MMP26: variants seen among roughly 807,000 people sequenced by gnomAD.
MMP26 encodes matrix metalloproteinase-26.
A neutral mutation model predicts 31.0 loss-of-function variants in MMP26; 33 were observed. The observed-to-expected ratio is 1.06, with a 90% CI of 0.81 to 1.42. The LOEUF (loss-of-function observed/expected upper bound fraction) is 1.42. MMP26 is among the 40% of genes most tolerant of loss of function. MMP26 has a pLI of 0.00. For synonymous variants in MMP26, 122 were observed against 114.9 expected, an observed-to-expected ratio of 1.06 and a Z score of -0.40; for missense variants, 347 against 316.1, an observed-to-expected ratio of 1.10 and a Z score of -0.74.
rs1359189979 is a variant in MMP26 at position 4,734,252 on chromosome 11, G to A, written c.-217+29207G>A. 2.0e-5 allele frequency among the ~76,000 whole-genome samples: 3 copies of A among 152,108 alleles called. No individual in the cohort carries two copies. In the East Asian group the frequency reaches 5.8e-4, roughly 29 times the overall value. On this transcript the variant is annotated intron_variant, in intron 1 of 7. Coordinates refer to ENST00000380390, the MANE Select transcript of MMP26 (RefSeq NM_021801.5). The stretch of plus-strand genomic sequence containing the variant: ...AATTGATATTAATTTTTCTTTAAGT[G>A]TTTAGTGAAATTTGCCACTGAATCA...
chr11:4,924,214 C>T (rs762848920), intron 2 of MMP26: 1 of 1,614,114 alleles, frequency 6.2e-7, no homozygotes, highest in Non-Finnish European at 8.5e-7. Flanking sequence ...TGAGGTTCCC[C>T]AAGATAACTG....
chr11:4,796,731 A>G (rs1325897369), intron 2 of MMP26, among the ~76,000 whole-genome samples: 1 of 152,138 alleles, frequency 6.6e-6, no homozygotes, highest in Admixed American at 6.6e-5. Context: ...CACACTGAGT[A>G]AAGGCCTGAG....
rs71050433 is a variant in MMP26, at chr11:4,819,566, A to ATTTTTTTTTTTTTTTTTTTT, written c.-145+52236_-145+52255dup. 2.0e-4 allele frequency among the ~76,000 whole-genome samples: 10 copies of ATTTTTTTTTTTTTTTTTTTT among 50,302 alleles called. 2 individuals carry two copies. The highest frequency in any genetic ancestry group is 5.3e-4 in the African/African-American group (6 of 11,400). The allele number at this position is 50,302 out of a possible 152,430, so 33.0% of individuals were successfully genotyped here. ...GATGGTCACTGAAATGAGTCGACTG[A>ATTTTTTTTTTTTTTTTTTTT]TTTTTTTTTTTTTTTTTTTTTTTTT... On this transcript the variant is annotated intron_variant, in intron 2 of 7. Transcript: ENST00000380390.
chr11:4,740,759 A>G (rs1182095866), intron 1 of MMP26, among the ~76,000 whole-genome samples: 5 of 152,008 alleles, frequency 3.3e-5, no homozygotes, highest in Non-Finnish European at 7.4e-5. Flanking sequence ...GAATTTAAAT[A>G]TCTTAATTCA....
At chr11:4,936,122 C>A (rs1343844213) in intron 2 of MMP26, among the ~76,000 whole-genome samples, 1 of 148,296 alleles carries the variant, frequency 6.7e-6, no homozygotes, top group African/African-American at 2.5e-5. Flanking sequence ...CCTTCTTTTT[C>A]TATTGATTGG....
intron 1 of MMP26, chr11:4,724,029 AC>A: frequency 1.5e-6 from 1 of 678,102 alleles, no homozygotes; most frequent in Non-Finnish European, 2.7e-6. Flanking sequence ...CACCCAGGCT[AC>A]CCCGGAAGCT....
chr11:4,741,923 G>A (rs954606350), intron 1 of MMP26, among the ~76,000 whole-genome samples: 2 of 152,136 alleles, frequency 1.3e-5, no homozygotes, highest in Admixed American at 1.3e-4. Flanking sequence ...CAAACATATG[G>A]CTATGTTCAA....
intron 2 of MMP26, among the ~76,000 whole-genome samples, chr11:4,813,320 A>G (rs900714320): frequency 2.6e-5 from 4 of 152,224 alleles, no homozygotes; most frequent in African/African-American, 9.6e-5. Context: ...TGAAAAATTG[A>G]TAAAGAAACC....
At chr11:4,981,277 G>A (rs1042061685) in intron 2 of MMP26, among the ~76,000 whole-genome samples, 9 of 152,022 alleles carry the variant, frequency 5.9e-5, no homozygotes, top group African/African-American at 2.2e-4. Flanking sequence ...CTTAATGATA[G>A]AGATACTCAT....
intron 1 of MMP26, among the ~76,000 whole-genome samples, chr11:4,726,555 G>A (rs1848103221): frequency 6.6e-6 from 1 of 152,146 alleles, no homozygotes; most frequent in Non-Finnish European, 1.5e-5. Flanking sequence ...ATGAGTGTGT[G>A]AAAGAGAAGC....
rs779589800 is a variant in MMP26, at chr11:4,991,949, T to G, written c.596-15T>G. The G allele has an allele frequency of 6.4e-7, 1 of 1,569,218 alleles. No homozygotes were observed. The highest frequency in any genetic ancestry group is 2.3e-5 in the East Asian group (1 of 44,210). On this transcript the variant is annotated splice_polypyrimidine_tract_variant and intron_variant, in intron 6 of 7. Coordinates refer to ENST00000380390, the MANE Select transcript of MMP26 (RefSeq NM_021801.5). ...CATAGTTAATTTTATCTTTTTTTTT[T>G]CTATAATTTTTCAGGATATAATCTG...
intron 2 of MMP26, among the ~76,000 whole-genome samples, chr11:4,928,740 G>A (rs1376511153): frequency 6.6e-6 from 1 of 152,106 alleles, no homozygotes; most frequent in Non-Finnish European, 1.5e-5. Context: ...TCAAGGTTCT[G>A]CTGCAGCTTC....
At chr11:4,730,649 T>A (rs1848162167) in intron 1 of MMP26, among the ~76,000 whole-genome samples, 1 of 152,164 alleles carries the variant, frequency 6.6e-6, no homozygotes, top group Admixed American at 6.5e-5. Context: ...TCTCTCTGGA[T>A]CTCTATCACA....
At chr11:4,726,386 CG>C (rs1564895624) in intron 1 of MMP26, among the ~76,000 whole-genome samples, 1 of 151,744 alleles carries the variant, frequency 6.6e-6, no homozygotes, top group African/African-American at 2.4e-5. Flanking sequence ...CACTCGAACC[CG>C]GGAGACGGAG....
chr11:4,964,709 A>G (rs1404326149), intron 2 of MMP26, among the ~76,000 whole-genome samples: 1 of 152,214 alleles, frequency 6.6e-6, no homozygotes, highest in Non-Finnish European at 1.5e-5. Flanking sequence ...AAACTGTGGT[A>G]CATACACACC....
chr11:4,901,851 G>T (rs1589933569), intron 2 of MMP26, among the ~76,000 whole-genome samples: 3 of 151,376 alleles, frequency 2.0e-5, no homozygotes, highest in South Asian at 4.2e-4. Context: ...TGATATAGTG[G>T]GTCAATAAAA....
intron 2 of MMP26, among the ~76,000 whole-genome samples, chr11:4,904,464 T>C (rs566122177): frequency 6.6e-6 from 1 of 152,262 alleles, no homozygotes; most frequent in East Asian, 1.9e-4. Flanking sequence ...TCTACCTCCA[T>C]ATATTCCACC....
chr11:4,724,915 T>C (rs1848075551), intron 1 of MMP26, among the ~76,000 whole-genome samples: 1 of 152,258 alleles, frequency 6.6e-6, no homozygotes, highest in Non-Finnish European at 1.5e-5. Context: ...TCTGTGTTCC[T>C]GCCTAAATCT....
chr11:4,712,014 C>G (rs1847869169), intron 1 of MMP26: 1 of 152,034 alleles, frequency 6.6e-6, no homozygotes, highest in Admixed American at 6.6e-5. Context: ...ATTTCTCTTC[C>G]CCTACTGATC....
Sources: gnomAD v4.1 joint callset for allele counts (sites outside exome capture counted in the v4.1 genomes callset) on GRCh38, gnomAD v4.1.1 for gene constraint, MANE v1.5 for transcripts, NCBI Gene and HGNC (gene_info 2026-07-23, HGNC 2026-07-21) for gene names.